Variants in TMCC1 observed in about 807,000 individuals in gnomAD.
The protein encoded by TMCC1 is transmembrane and coiled-coil domains protein 1.
A neutral mutation model predicts 52.4 loss-of-function variants in TMCC1; 15 were observed. The ratio of observed to expected loss-of-function variants is 0.29; its 90% CI spans 0.19 to 0.44. TMCC1 has a LOEUF of 0.44. TMCC1 is among the 20% of genes least tolerant of loss of function. The pLI is 1.00. For missense variants in TMCC1, 503 were observed against 806.0 expected (o/e 0.62, Z 4.55); for synonymous variants, 279 against 301.9 (o/e 0.92, Z 0.79).
intron 2 of TMCC1, among the ~76,000 whole-genome samples, chr3:129,864,397 C>A (rs1289415494): frequency 6.6e-6 from 1 of 152,150 alleles, no homozygotes; most frequent in African/African-American, 2.4e-5. Flanking sequence ...AGTAACTTAT[C>A]CAAAGTGATA....
At chr3:129,759,710 CTTTTTT>C (rs61519484) in intron 4 of TMCC1, among the ~76,000 whole-genome samples, 13 of 37,216 alleles carry the variant, frequency 3.5e-4, no homozygotes, top group South Asian at 1.6e-3. Context: ...GCCAGCCAAA[CTTTTTT>C]TTTTTTTTTT....
chr3:129,788,078 AAAGG>A (rs1389432157), intron 4 of TMCC1, among the ~76,000 whole-genome samples: 2 of 152,204 alleles, frequency 1.3e-5, no homozygotes, highest in Non-Finnish European at 2.9e-5. Context: ...TATATACACA[AAAGG>A]AAGGGGAAGA....
chr3:129,701,816 C>T (rs1352519517), intron 4 of TMCC1, among the ~76,000 whole-genome samples: 1 of 152,076 alleles, frequency 6.6e-6, no homozygotes. Context: ...TTTGAAATTG[C>T]AAAACATCAT....
At chr3:129,861,504 C>T (rs963382508) in intron 2 of TMCC1, among the ~76,000 whole-genome samples, 2 of 152,248 alleles carry the variant, frequency 1.3e-5, no homozygotes, top group African/African-American at 4.8e-5. Flanking sequence ...TTTATAATCT[C>T]ATTGTTAAAA....
At chr3:129,765,408 A>G (rs2054043652) in intron 4 of TMCC1, among the ~76,000 whole-genome samples, 1 of 152,174 alleles carries the variant, frequency 6.6e-6, no homozygotes, top group Non-Finnish European at 1.5e-5. Flanking sequence ...TCCATTATTT[A>G]TCAGTAAATA....
chr3:129,847,638 T>G (rs866363389), intron 2 of TMCC1: 15 of 152,378 alleles, frequency 9.8e-5, no homozygotes, highest in African/African-American at 3.6e-4. Context: ...GCTGTGAATG[T>G]TTGTGTACAA....
Position 129,650,709 on chromosome 3 carries a change from T to C in TMCC1, c.*772A>G, listed in dbSNP as rs551135512. 1 of 152,748 alleles carries C rather than the reference T, an allele frequency of 6.5e-6. No individual in the cohort carries two copies. Among genetic ancestry groups the C allele is most frequent in the Admixed American group, 6.5e-5 (1 of 15,294 alleles). 9.5% of individuals were successfully genotyped at this position (152,748 alleles called of 1,614,324 possible). On this transcript the variant is annotated 3_prime_UTR_variant, in exon 7 of 7. Transcript: ENST00000393238. ...GTTTGAGTATTACATTCTTCAAGTATGCTGTTCGGATTTTTTATTTTTAGG... is the reference window on the plus strand; with the variant it reads ...GTTTGAGTATTACATTCTTCAAGTACGCTGTTCGGATTTTTTATTTTTAGG...
At chr3:129,763,258 A>G (rs1419598931) in intron 4 of TMCC1, among the ~76,000 whole-genome samples, 1 of 147,500 alleles carries the variant, frequency 6.8e-6, no homozygotes, top group Non-Finnish European at 1.5e-5. Context: ...AAATATCATT[A>G]TATAGCCAGG....
chr3:129,669,699 T>C (rs1209003941), intron 5 of TMCC1, among the ~76,000 whole-genome samples: 1 of 152,212 alleles, frequency 6.6e-6, no homozygotes, highest in Non-Finnish European at 1.5e-5. Context: ...ATTCAGAGTA[T>C]AGCCAAGAGT....
intron 4 of TMCC1, among the ~76,000 whole-genome samples, chr3:129,756,848 T>C (rs2053058479): frequency 1.3e-5 from 2 of 151,888 alleles, no homozygotes; most frequent in African/African-American, 2.4e-5. Context: ...GTGAGGGGAG[T>C]TGTTGATTAT....
chr3:129,704,329 T>C (rs1406559485), intron 4 of TMCC1, among the ~76,000 whole-genome samples: 2 of 152,226 alleles, frequency 1.3e-5, no homozygotes, highest in Non-Finnish European at 2.9e-5. Flanking sequence ...TATCAACACT[T>C]AACATAAGAT....
chr3:129,767,338 C>T (rs1388214116), intron 4 of TMCC1, among the ~76,000 whole-genome samples: 1 of 151,260 alleles, frequency 6.6e-6, no homozygotes, highest in Non-Finnish European at 1.5e-5. Context: ...CAACTTTCAG[C>T]ACATTCACAG....
At chr3:129,655,259 C>G (rs62267599) in intron 5 of TMCC1, among the ~76,000 whole-genome samples, 156 bp from the exon 6 acceptor site, 1 of 152,178 alleles carries the variant, frequency 6.6e-6, no homozygotes, top group Non-Finnish European at 1.5e-5. Flanking sequence ...GGGTATAGCT[C>G]TTAGTCTCTG....
chr3:129,662,444 GTATCTAGACA>G (rs1192649441), intron 5 of TMCC1, among the ~76,000 whole-genome samples: 1 of 152,062 alleles, frequency 6.6e-6, no homozygotes, highest in African/African-American at 2.4e-5. Context: ...TAGTGTTTGT[GTATCTAGACA>G]TATCTAAACA....
At chr3:129,842,472 A>C (rs993742338) in intron 2 of TMCC1, among the ~76,000 whole-genome samples, 1 of 134,786 alleles carries the variant, frequency 7.4e-6, no homozygotes, top group Non-Finnish European at 1.5e-5. Context: ...TCTAAAAAAA[A>C]ACAAAACACA....
In TMCC1 at chr3:129,670,740, T is replaced by C. The variant is rs1207892716; in HGVS notation, c.1101A>G (p.Ser367=). The change falls in exon 5 of 7, where the codon TCA becomes TCG. Residue 367 remains serine (S), a synonymous_variant. Transcript: ENST00000393238. ...TGAGTGAGGCAATCTCTCTGGGCTT[T>C]GAGACTACAGCGCCTGCTGCTGAAT... ...ATHSAAGAVV[S]KPREIASLIR... is the part of the protein sequence containing the mutation. 6.2e-7 allele frequency: 1 copy of C among 1,614,192 alleles called. No homozygotes were observed. Among genetic ancestry groups the C allele is most frequent in the South Asian group, 1.1e-5 (1 of 91,084 alleles).
At chr3:129,875,286 G>A (rs940634156) in intron 2 of TMCC1, among the ~76,000 whole-genome samples, 2 of 151,510 alleles carry the variant, frequency 1.3e-5, no homozygotes, top group Non-Finnish European at 1.5e-5. Flanking sequence ...TCAGGAGTTC[G>A]AAACCAGCCT....
intron 2 of TMCC1, among the ~76,000 whole-genome samples, chr3:129,838,045 A>G (rs1184838173): frequency 6.6e-6 from 1 of 152,224 alleles, no homozygotes; most frequent in East Asian, 1.9e-4. Flanking sequence ...ACAACAGAGA[A>G]GAAACATTTG....
At chr3:129,705,965 A>G (rs1350235655) in intron 4 of TMCC1, among the ~76,000 whole-genome samples, 2 of 148,220 alleles carry the variant, frequency 1.3e-5, no homozygotes, top group Non-Finnish European at 3.0e-5. Context: ...ATCTCAGCTC[A>G]CTGCCACCTT....
Sources: gnomAD v4.1 joint callset for allele counts (sites outside exome capture counted in the v4.1 genomes callset) on GRCh38, gnomAD v4.1.1 for gene constraint, MANE v1.5 for transcripts, NCBI Gene and HGNC (gene_info 2026-07-23, HGNC 2026-07-21) for gene names.